The following PDZRN4 variants were observed in gnomAD, a reference collection of about 807,000 sequenced individuals.
The protein encoded by PDZRN4 is PDZ domain containing ring finger 4.
A neutral mutation model predicts 99.0 loss-of-function variants in PDZRN4; 70 were observed. That is an observed-to-expected ratio of 0.71 (90% CI 0.58 to 0.86). The LOEUF is 0.86. Among genes scored for constraint, PDZRN4 ranks in the 40% least tolerant of loss-of-function variants. The probability of loss-of-function intolerance (pLI) is 0.00; values close to 1 mark genes in which losing one functional copy is unlikely to be tolerated. For missense variants in PDZRN4, 1,474 were observed against 1,331.2 expected, an observed-to-expected ratio of 1.11 and a Z score of -1.67; for synonymous variants, 551 against 501.6, an observed-to-expected ratio of 1.10 and a Z score of -1.32.
At chr12:41,485,224 C>T (rs1386948021) in intron 3 of PDZRN4, among the ~76,000 whole-genome samples, 1 of 152,140 alleles carries the variant, frequency 6.6e-6, no homozygotes, top group Non-Finnish European at 1.5e-5. Context: ...GACTTTCAGG[C>T]ACTGTGGCAG....
intron 6 of PDZRN4, among the ~76,000 whole-genome samples, chr12:41,553,540 A>T (rs78824803): frequency 6.6e-6 from 1 of 151,804 alleles, no homozygotes; most frequent in African/African-American, 2.4e-5. Flanking sequence ...AAAAAAAAAA[A>T]ATATTTAGTC....
chr12:41,296,006 G>T (rs1371589914), intron 3 of PDZRN4, among the ~76,000 whole-genome samples: 1 of 152,024 alleles, frequency 6.6e-6, no homozygotes, highest in African/African-American at 2.4e-5. Flanking sequence ...ATTTCATCTT[G>T]CTTGTGCCAT....
At chr12:41,451,694 G>T (rs1037968050) in intron 3 of PDZRN4, among the ~76,000 whole-genome samples, 1 of 152,100 alleles carries the variant, frequency 6.6e-6, no homozygotes, top group Non-Finnish European at 1.5e-5. Flanking sequence ...TTCTCTGATG[G>T]ACTGCCGTTT....
At chr12:41,522,354 T>C (rs1282121765) in intron 5 of PDZRN4, among the ~76,000 whole-genome samples, 1 of 152,144 alleles carries the variant, frequency 6.6e-6, no homozygotes, top group Non-Finnish European at 1.5e-5. Flanking sequence ...AGACTTTCCA[T>C]GACTTACTTT....
At chr12:41,571,479 C>T (rs192331148) in intron 9 of PDZRN4, among the ~76,000 whole-genome samples, 159 of 151,088 alleles carry the variant, frequency 1.1e-3, no homozygotes, top group Middle Eastern at 3.4e-3. Context: ...ATATTATGCC[C>T]ATGTCTGGCA....
At chr12:41,528,245 T>C (rs938204863) in intron 5 of PDZRN4, among the ~76,000 whole-genome samples, 3 of 152,028 alleles carry the variant, frequency 2.0e-5, no homozygotes, top group Non-Finnish European at 4.4e-5. Flanking sequence ...TTCTGAACAA[T>C]AGAGTGGCTG....
intron 3 of PDZRN4, among the ~76,000 whole-genome samples, chr12:41,449,856 C>T (rs138141891): frequency 7.2e-5 from 11 of 151,928 alleles, no homozygotes; most frequent in African/African-American, 1.5e-4. Context: ...TTTTATTTTA[C>T]GTGGTTTTTG....
chr12:41,197,391 T>A (rs896804146), intron 3 of PDZRN4, among the ~76,000 whole-genome samples: 4 of 152,192 alleles, frequency 2.6e-5, no homozygotes, highest in Non-Finnish European at 5.9e-5. Flanking sequence ...AAAAAATTAC[T>A]GTCATTAGGT....
chr12:41,308,422 C>T, intron 3 of PDZRN4, among the ~76,000 whole-genome samples: 1 of 152,028 alleles, frequency 6.6e-6, no homozygotes, highest in Non-Finnish European at 1.5e-5. Flanking sequence ...TTTTATATCG[C>T]ATTATTCATA....
At chr12:41,522,839 A>G (rs527407502) in intron 5 of PDZRN4, among the ~76,000 whole-genome samples, 1 of 152,240 alleles carries the variant, frequency 6.6e-6, no homozygotes, top group East Asian at 1.9e-4. Flanking sequence ...ATTCTAGAAG[A>G]CTTTCTATTC....
chr12:41,525,956 A>G (rs1351931584), intron 5 of PDZRN4, among the ~76,000 whole-genome samples: 1 of 152,208 alleles, frequency 6.6e-6, no homozygotes, highest in Non-Finnish European at 1.5e-5. Context: ...TTTTTAAAAA[A>G]TCTCATTTAT....
At chr12:41,209,344 A>AT (rs781683848) in intron 3 of PDZRN4, among the ~76,000 whole-genome samples, 1 of 93,524 alleles carries the variant, frequency 1.1e-5, no homozygotes, top group Non-Finnish European at 2.2e-5. Context: ...TTATTTTTTT[A>AT]TTTATTTATT....
intron 3 of PDZRN4, among the ~76,000 whole-genome samples, chr12:41,282,130 C>G (rs1951389855): frequency 6.6e-6 from 1 of 152,106 alleles, no homozygotes; most frequent in South Asian, 2.1e-4. Context: ...GGAGACCCAT[C>G]TCATGTGCAA....
At chr12:41,230,343 A>G (rs565833256) in intron 3 of PDZRN4, among the ~76,000 whole-genome samples, 1 of 152,002 alleles carries the variant, frequency 6.6e-6, no homozygotes, top group Admixed American at 6.6e-5. Flanking sequence ...TAGCCCCTCT[A>G]CTTATCACTG....
chr12:41,250,257 C>A (rs1951159939), intron 3 of PDZRN4, among the ~76,000 whole-genome samples: 1 of 152,088 alleles, frequency 6.6e-6, no homozygotes, highest in South Asian at 2.1e-4. Flanking sequence ...AGAAAAAGTT[C>A]TGTGTTACAA....
chr12:41,391,428 C>A (rs543367195), intron 3 of PDZRN4, among the ~76,000 whole-genome samples: 1 of 152,278 alleles, frequency 6.6e-6, no homozygotes, highest in South Asian at 2.1e-4. Flanking sequence ...AAGTCCTGCT[C>A]TCTCCAAGCT....
chr12:41,414,005 C>G (rs776358871), intron 3 of PDZRN4, among the ~76,000 whole-genome samples: 4 of 152,082 alleles, frequency 2.6e-5, no homozygotes, highest in Non-Finnish European at 4.4e-5. Flanking sequence ...TAAGACTGGT[C>G]TAGTGGTAAT....
At chr12:41,553,673 A>G (rs1939096719) in intron 6 of PDZRN4, among the ~76,000 whole-genome samples, 1 of 152,124 alleles carries the variant, frequency 6.6e-6, no homozygotes, top group Non-Finnish European at 1.5e-5. Context: ...CAGTGCAGTG[A>G]CACAATGAGT....
chr12:41,394,238 T>C (rs568445670), intron 3 of PDZRN4, among the ~76,000 whole-genome samples: 2 of 152,174 alleles, frequency 1.3e-5, no homozygotes, highest in Admixed American at 6.6e-5. Flanking sequence ...CCTAATTATC[T>C]ACCAAAGCCC....
Sources: gnomAD v4.1 joint callset for allele counts (sites outside exome capture counted in the v4.1 genomes callset) on GRCh38, gnomAD v4.1.1 for gene constraint, MANE v1.5 for transcripts, NCBI Gene and HGNC (gene_info 2026-07-23, HGNC 2026-07-21) for gene names.